MADD: variants seen among roughly 807,000 people sequenced by gnomAD.
MADD encodes MAP kinase-activating death domain protein.
In MADD, 109 loss-of-function variants were observed where a neutral mutation model predicts 176.7. That is an observed-to-expected ratio of 0.62 (90% confidence interval 0.53 to 0.72). The LOEUF (loss-of-function observed/expected upper bound fraction) is 0.72, where lower values mean the gene tolerates loss of function less well. MADD is among the 30% of genes least tolerant of loss of function. The probability of loss-of-function intolerance (pLI) is 0.00; values close to 1 mark genes in which losing one functional copy is unlikely to be tolerated. For synonymous variants in MADD, 771 were observed against 771.3 expected (o/e 1.00, Z 0.01); for missense variants, 1,914 against 2,045.5 (o/e 0.94, Z 1.24).
intron 20 of MADD, 88 bp downstream of exon 22, chr11:47,294,071 CG>C (rs2067959793): frequency 1.8e-6 from 2 of 1,093,276 alleles, no homozygotes; most frequent in Non-Finnish European, 2.7e-6. Context: ...GTCAGACAGC[CG>C]GGCACAGTGG....
chr11:47,306,102 C>A (rs1032341578), intron 22 of MADD, among the ~76,000 whole-genome samples: 6 of 152,154 alleles, frequency 3.9e-5, no homozygotes, highest in African/African-American at 1.4e-4. Context: ...ACCTTAGGCA[C>A]CAGGGAGGCC....
At chr11:47,292,461 G>A (rs1348344648) in intron 19 of MADD, 82 bp from the exon 21 acceptor site, 2 of 1,234,024 alleles carry the variant, frequency 1.6e-6, no homozygotes, top group Non-Finnish European at 2.4e-6. Flanking sequence ...AATCGACTTG[G>A]GTGGGTGGGT....
At chr11:47,316,676 G>A (rs1471769288) in intron 27 of MADD, among the ~76,000 whole-genome samples, 6 of 151,380 alleles carry the variant, frequency 4.0e-5, no homozygotes, top group East Asian at 3.9e-4. Context: ...GGCGTGAGCC[G>A]GTGCACCCGG....
At chr11:47,327,114 TGGGAC>T in intron 31 of MADD, 1 of 1,117,176 alleles carries the variant, frequency 9.0e-7, no homozygotes, top group South Asian at 3.0e-5. Context: ...TCAGAAAGTT[TGGGAC>T]ACAGCAGACT....
At chr11:47,281,620 G>A in exon 8 of MADD, 1 of 1,612,092 alleles carries the variant, frequency 6.2e-7, no homozygotes, top group Non-Finnish European at 8.5e-7. Context: ...CCTCAATCTG[G>A]AGAAATTTCA....
intron 9 of MADD, 37 bp from the exon 10 acceptor site, chr11:47,282,776 T>C (rs765812149): frequency 6.2e-7 from 1 of 1,605,508 alleles, no homozygotes; most frequent in Non-Finnish European, 8.5e-7. Flanking sequence ...TTTTTTTCCT[T>C]GCTGCTGACT....
intron 19 of MADD, 77 bp downstream of exon 21, chr11:47,292,673 C>T: frequency 7.1e-7 from 1 of 1,415,206 alleles, no homozygotes; most frequent in Non-Finnish European, 1.0e-6. Flanking sequence ...GGGCAGGCTC[C>T]CTTTGTCAGC....
intron 6 of MADD, among the ~76,000 whole-genome samples, chr11:47,278,754 TA>T (rs1346199336): frequency 1.3e-5 from 2 of 152,064 alleles, no homozygotes; most frequent in Admixed American, 6.6e-5. Flanking sequence ...GTAAATAAAA[TA>T]AGTGAAAAGA....
intron 7 of MADD, among the ~76,000 whole-genome samples, chr11:47,280,087 C>G (rs1438033860): frequency 6.6e-6 from 1 of 152,088 alleles, no homozygotes. Context: ...CAAAAAAATT[C>G]CTTTCTTTGA....
At chr11:47,303,606 C>G (rs1383786126) in intron 22 of MADD, among the ~76,000 whole-genome samples, 1 of 126,556 alleles carries the variant, frequency 7.9e-6, no homozygotes, top group Non-Finnish European at 1.6e-5. Flanking sequence ...CTTGGAGAGG[C>G]CTTTTTTTTT....
At position 47,293,593 on chromosome 11, in the gene MADD, A is replaced by G. The variant is rs1383470015; in HGVS notation, c.3302-290A>G. On this transcript the variant is annotated intron_variant, in intron 19 of 32. Coordinates refer to ENST00000402192, the Ensembl canonical transcript of MADD. ...GCTGGGATTACAGTCGTGAGCCACC[A>G]TGCCCAGCCTTGTGGAGCTTCTCTG... Among the ~76,000 whole-genome samples, 4 of 152,102 alleles carry G rather than the reference A, an allele frequency of 2.6e-5. No homozygotes were observed. The East Asian group carries it at 7.7e-4, about 29-fold the overall frequency.
intron 22 of MADD, among the ~76,000 whole-genome samples, chr11:47,301,703 G>A (rs1035090746): frequency 1.3e-5 from 2 of 152,120 alleles, no homozygotes; most frequent in African/African-American, 4.8e-5. Flanking sequence ...TCACTCAGGA[G>A]CATATTGTTT....
intron 22 of MADD, among the ~76,000 whole-genome samples, chr11:47,302,230 G>A (rs932954190): frequency 6.6e-6 from 1 of 151,674 alleles, no homozygotes; most frequent in African/African-American, 2.4e-5. Context: ...TTTTGTGTGT[G>A]TGAGACAGAG....
exon 18 of MADD, chr11:47,290,292 T>C: frequency 6.2e-7 from 1 of 1,613,886 alleles, no homozygotes; most frequent in Middle Eastern, 1.7e-4. Context: ...CCCACTACTA[T>C]AGTAAAGGTA....
chr11:47,276,895 C>T, intron 5 of MADD, 32 bp downstream of exon 5: 1 of 1,611,176 alleles, frequency 6.2e-7, no homozygotes, highest in Non-Finnish European at 8.5e-7. Context: ...GGCTTTCTCA[C>T]CTCTGTCTTC....
In MADD at chr11:47,278,896, A is replaced by G. The variant is rs1416535325; in HGVS notation, c.1210-103A>G. 9 of 875,086 alleles carry G rather than the reference A, an allele frequency of 1.0e-5. No individual in the cohort carries two copies. In the East Asian group the frequency reaches 2.2e-4, roughly 21 times the overall value. 54.2% of individuals were successfully genotyped at this position (875,086 alleles called of 1,614,324 possible). On this transcript the variant is annotated intron_variant, in intron 6 of 32. Transcript: ENST00000402192. ...GCAGTTATATAATGTATATTCGTTT[A>G]TATAATAATAATGTATATACGTCCT...
At chr11:47,299,434 C>T (rs12575296) in intron 22 of MADD, among the ~76,000 whole-genome samples, 11,618 of 151,808 alleles carry the variant, frequency 0.077, 522 homozygotes, top group South Asian at 0.11. Context: ...TAATTTGTGG[C>T]TATCGTAAAT....
At chr11:47,323,646 T>G (rs750621458) in intron 27 of MADD, 25 bp from the exon 31 acceptor site, 12 of 1,607,662 alleles carry the variant, frequency 7.5e-6, no homozygotes, top group Non-Finnish European at 1.0e-5. Context: ...CAGGAACCAC[T>G]GAGCCGCTTT....
At chr11:47,290,373 G>T in intron 18 of MADD, 74 bp downstream of exon 19, 1 of 1,556,832 alleles carries the variant, frequency 6.4e-7, no homozygotes, top group Non-Finnish European at 8.7e-7. Flanking sequence ...AAATATATGT[G>T]TACCCAGGAC....
Sources: allele counts gnomAD v4.1 joint callset (sites outside exome capture counted in the v4.1 genomes callset), GRCh38; gene constraint gnomAD v4.1.1; transcripts MANE v1.5; gene names NCBI Gene and HGNC (gene_info 2026-07-23, HGNC 2026-07-21).